The following GALNT13 variants were observed in gnomAD, a reference collection of about 807,000 sequenced individuals.
GALNT13 encodes the protein polypeptide N-acetylgalactosaminyltransferase 13.
Under a neutral mutation model 64.2 loss-of-function variants are expected in GALNT13, and 28 were observed. The observed-to-expected ratio is 0.44, with a 90% CI of 0.32 to 0.60. The LOEUF is 0.60. Ranked by LOEUF, GALNT13 falls within the 20% of genes least tolerant of loss-of-function variation. The pLI is 0.05. For synonymous variants in GALNT13, 214 were observed against 224.6 expected, an observed-to-expected ratio of 0.95 and a Z score of 0.42; for missense variants, 577 against 669.8, an observed-to-expected ratio of 0.86 and a Z score of 1.53.
the GALNT13 span, among the ~76,000 whole-genome samples, chr2:153,191,478 G>A: frequency 1.3e-5 from 2 of 152,010 alleles, no homozygotes; most frequent in African/African-American, 4.8e-5. Flanking sequence ...CTTGTATTTT[G>A]TCAAGGGCTT....
At chr2:154,225,666 G>A (rs947477486) in intron 4 of GALNT13, among the ~76,000 whole-genome samples, 1 of 152,060 alleles carries the variant, frequency 6.6e-6, no homozygotes, top group African/African-American at 2.4e-5. Context: ...GAAAGAAAAG[G>A]CATACAGTTT....
chr2:153,902,046 T>C (rs1050743737), intron 2 of GALNT13, among the ~76,000 whole-genome samples: 40 of 152,270 alleles, frequency 2.6e-4, no homozygotes, highest in African/African-American at 9.6e-4. Flanking sequence ...ACTGGCCACA[T>C]TGATGCTTTC....
the GALNT13 span, among the ~76,000 whole-genome samples, chr2:153,691,669 A>C: frequency 0.32 from 49,253 of 151,922 alleles, 8,648 homozygotes; most frequent in Middle Eastern, 0.52. Context: ...TTTATTTGTT[A>C]TCTGAAAACC....
chr2:153,612,120 G>A, the GALNT13 span, among the ~76,000 whole-genome samples: 31 of 152,002 alleles, frequency 2.0e-4, 1 homozygote, highest in Admixed American at 2.0e-3. Context: ...CGGGCATTTG[G>A]GTTGGTTCCA....
intron 4 of GALNT13, among the ~76,000 whole-genome samples, chr2:154,205,658 G>C (rs1457804740): frequency 6.6e-6 from 1 of 152,120 alleles, no homozygotes; most frequent in East Asian, 1.9e-4. Flanking sequence ...GGAAGGCAAG[G>C]AGGAGCAAGT....
At chr2:153,402,300 G>A in the GALNT13 span, among the ~76,000 whole-genome samples, 11 of 151,992 alleles carry the variant, frequency 7.2e-5, no homozygotes, top group African/African-American at 2.4e-4. Flanking sequence ...GAGATCTGCT[G>A]TTAGTCTGAT....
chr2:153,541,545 A>C, the GALNT13 span, among the ~76,000 whole-genome samples: 1 of 152,172 alleles, frequency 6.6e-6, no homozygotes, highest in Non-Finnish European at 1.5e-5. Flanking sequence ...CCAGTCATAA[A>C]ACCTACAATT....
chr2:153,101,495 A>C, the GALNT13 span, among the ~76,000 whole-genome samples: 1 of 152,100 alleles, frequency 6.6e-6, no homozygotes, highest in African/African-American at 2.4e-5. Context: ...GTTTTTTTGC[A>C]CTTTTGAGAT....
At chr2:153,220,558 A>G in the GALNT13 span, among the ~76,000 whole-genome samples, 1 of 152,222 alleles carries the variant, frequency 6.6e-6, no homozygotes, top group Non-Finnish European at 1.5e-5. Context: ...TAAGGGAAGA[A>G]TAAAAGGAAA....
chr2:154,056,238 A>G (rs934672804), intron 3 of GALNT13, among the ~76,000 whole-genome samples: 1 of 152,156 alleles, frequency 6.6e-6, no homozygotes, highest in Non-Finnish European at 1.5e-5. Flanking sequence ...TGAGTTTGTC[A>G]TTCTCCAGAT....
At chr2:153,747,660 T>G in the GALNT13 span, among the ~76,000 whole-genome samples, 15 of 152,042 alleles carry the variant, frequency 9.9e-5, no homozygotes, top group African/African-American at 2.9e-4. Context: ...ACTCCTGACC[T>G]CAGGTGATTT....
the GALNT13 span, among the ~76,000 whole-genome samples, chr2:153,710,185 G>A: frequency 3.2e-4 from 48 of 152,142 alleles, no homozygotes; most frequent in African/African-American, 9.6e-4. Flanking sequence ...CATTAGTTAC[G>A]TTGATTTAAC....
chr2:153,770,244 A>T, the GALNT13 span, among the ~76,000 whole-genome samples: 1 of 129,594 alleles, frequency 7.7e-6, no homozygotes, highest in South Asian at 2.5e-4. Context: ...TTTCATTTGG[A>T]TGAAATTTCC....
intron 9 of GALNT13, among the ~76,000 whole-genome samples, chr2:154,380,502 T>G (rs949211069): frequency 6.6e-6 from 1 of 152,106 alleles, no homozygotes; most frequent in Admixed American, 6.6e-5. Flanking sequence ...AGAAATTAAA[T>G]GATGACCTAA....
intron 3 of GALNT13, among the ~76,000 whole-genome samples, chr2:153,971,500 A>G (rs1693738549): frequency 6.6e-6 from 1 of 152,152 alleles, no homozygotes; most frequent in African/African-American, 2.4e-5. Flanking sequence ...TAATGCTGTC[A>G]TGATAGAAGA....
chr2:153,339,522 C>T, the GALNT13 span, among the ~76,000 whole-genome samples: 1 of 152,112 alleles, frequency 6.6e-6, no homozygotes, highest in Non-Finnish European at 1.5e-5. Flanking sequence ...AACTGTGTGT[C>T]AGATGTGTGG....
the GALNT13 span, among the ~76,000 whole-genome samples, chr2:153,180,828 C>G: frequency 1.3e-5 from 2 of 151,704 alleles, no homozygotes; most frequent in African/African-American, 4.8e-5. Flanking sequence ...ATTTTGGCAT[C>G]TAGTTGCTCA....
At chr2:154,422,796 G>A (rs1183649051) in intron 11 of GALNT13, among the ~76,000 whole-genome samples, 1 of 152,118 alleles carries the variant, frequency 6.6e-6, no homozygotes, top group Non-Finnish European at 1.5e-5. Flanking sequence ...ACATTACTGA[G>A]AGCAAGTGCC....
intron 4 of GALNT13, among the ~76,000 whole-genome samples, chr2:154,183,687 C>T (rs1016547451): frequency 2.0e-5 from 3 of 151,776 alleles, no homozygotes; most frequent in African/African-American, 4.8e-5. Context: ...ACTCCAGCCT[C>T]GGCAACAGAG....
Sources: gnomAD v4.1 joint callset for allele counts (sites outside exome capture counted in the v4.1 genomes callset) on GRCh38, gnomAD v4.1.1 for gene constraint, MANE v1.5 for transcripts, NCBI Gene and HGNC (gene_info 2026-07-23, HGNC 2026-07-21) for gene names.